ANKRD18B: variants seen among roughly 807,000 people sequenced by gnomAD.
ANKRD18B encodes the protein ankyrin repeat domain-containing protein 18B.
Under a neutral mutation model 111.8 loss-of-function variants are expected in ANKRD18B, and 75 were observed. The ratio of observed to expected loss-of-function variants is 0.67; its 90% CI spans 0.56 to 0.81. The LOEUF (loss-of-function observed/expected upper bound fraction) is 0.81, where lower values mean the gene tolerates loss of function less well. Ranked by LOEUF, ANKRD18B falls within the 40% of genes least tolerant of loss-of-function variation. The pLI, the probability that ANKRD18B is intolerant of heterozygous loss-of-function variation, is 0.00. For missense variants in ANKRD18B, 1,038 were observed against 1,225.5 expected, an observed-to-expected ratio of 0.85 and a Z score of 2.28; for synonymous variants, 356 against 417.3, an observed-to-expected ratio of 0.85 and a Z score of 1.79.
chr9:33,534,531 G>A (rs1390005930), intron 5 of ANKRD18B, 24 bp downstream of exon 5: 15 of 1,496,208 alleles, frequency 1.0e-5, no homozygotes, highest in Admixed American at 7.8e-5. Context: ...TTAAAAGACC[G>A]GTTAATACTA....
At position 33,547,944 on chromosome 9, in the gene ANKRD18B, CAA is replaced by C; in HGVS notation, c.1158_1159del (p.Ser387LeufsTer7). ...TTTGTTTTGTTTTATTTAGGATTCT[CAA>C]AGTTATGGAAAAAAGAAGGATGAGA... ...RSENKQPQDS[Q>X]SYGKKKDEMF... On this transcript the variant is annotated frameshift_variant, in exon 11 of 19. Coordinates refer to ENST00000684830, the MANE Select transcript of ANKRD18B (RefSeq NM_001393611.1). LOFTEE classifies it high-confidence loss of function. 7.0e-7 allele frequency: 1 copy of C among 1,422,662 alleles called. No individual in the cohort carries two copies. The allele number at this position is 1,422,662 out of a possible 1,614,324, so 88.1% of individuals were successfully genotyped here.
chr9:33,550,109 T>C (rs1828426029), intron 11 of ANKRD18B, among the ~76,000 whole-genome samples: 1 of 152,170 alleles, frequency 6.6e-6, no homozygotes, highest in Admixed American at 6.6e-5. Flanking sequence ...ATTTTACTTT[T>C]ATTCTGAGGT....
intron 13 of ANKRD18B, among the ~76,000 whole-genome samples, chr9:33,557,784 A>T (rs866839805): frequency 1.5e-4 from 23 of 152,030 alleles, no homozygotes; most frequent in African/African-American, 4.8e-4. Flanking sequence ...GTGAAGTTCC[A>T]TCTCAAAAAA....
At chr9:33,533,613 C>T (rs1420438538) in intron 4 of ANKRD18B, 68 bp downstream of exon 4, 135 of 1,466,034 alleles carry the variant, frequency 9.2e-5, no homozygotes, top group Middle Eastern at 1.8e-4. Context: ...TGGTAACAGT[C>T]GCTCAAGTCA....
At chr9:33,531,716 A>G (rs1563899197) in intron 3 of ANKRD18B, among the ~76,000 whole-genome samples, 2 of 151,224 alleles carry the variant, frequency 1.3e-5, no homozygotes, top group Non-Finnish European at 2.9e-5. Context: ...AAGACAGCAT[A>G]TATTGGTTCA....
chr9:33,552,561 T>A (rs527990274), intron 12 of ANKRD18B, among the ~76,000 whole-genome samples: 1 of 152,298 alleles, frequency 6.6e-6, no homozygotes, highest in East Asian at 1.9e-4. Context: ...CAGGAGGTGC[T>A]GTTTCCATTG....
rs755608154 is a variant in ANKRD18B, at chr9:33,529,021, G to T, written c.343G>T (p.Ala115Ser). The T allele has an allele frequency of 3.5e-5, 56 of 1,612,358 alleles. No individual in the cohort carries two copies. The highest frequency in any genetic ancestry group is 4.6e-5 in the Non-Finnish European group (54 of 1,179,874). Residue 115 changes from alanine to serine, a missense_variant, in exon 3 of 19, where the codon GCT becomes TCT. This residue lies in a region of ANKRD18B where 216 missense variants were observed against 205.1 expected (regional missense o/e 1.05). Coordinates refer to ENST00000684830, the MANE Select transcript of ANKRD18B (RefSeq NM_001393611.1). ...LMKAVHCQEE[A>S]CAIILLKRGA... ...ATAGGCTGTACACTGCCAGGAAGAGGCTTGTGCCATTATTCTCCTGAAACG... is the reference window on the plus strand; with the variant it reads ...ATAGGCTGTACACTGCCAGGAAGAGTCTTGTGCCATTATTCTCCTGAAACG...
At chr9:33,559,043 TA>T (rs1225809699) in intron 14 of ANKRD18B, among the ~76,000 whole-genome samples, 1 of 152,180 alleles carries the variant, frequency 6.6e-6, no homozygotes, top group Non-Finnish European at 1.5e-5. Context: ...TGACAATTGA[TA>T]AACAAAATCT....
At chr9:33,526,565 TA>T (rs1016056641) in intron 1 of ANKRD18B, among the ~76,000 whole-genome samples, 15 of 152,182 alleles carry the variant, frequency 9.9e-5, no homozygotes, top group African/African-American at 3.6e-4. Flanking sequence ...AAATTTCTAG[TA>T]AAAATTTATT....
At position 33,528,842 on chromosome 9, in the gene ANKRD18B, G is replaced by T. The variant is rs1828066085; in HGVS notation, c.321+1G>T. On this transcript the variant is annotated splice_donor_variant, in intron 2 of 18. Transcript: ENST00000684830. LOFTEE classifies it high-confidence loss of function. ...ACTAAACAGGACACCTTTAATGAAG[G>T]TATATAGTAGCCAACTCAGCATGAA... 14 of 1,599,842 alleles carry T rather than the reference G, an allele frequency of 8.8e-6. No homozygotes were observed. Among genetic ancestry groups the T allele is most frequent in the Non-Finnish European group, 1.2e-5 (14 of 1,173,150 alleles).
intron 1 of ANKRD18B, among the ~76,000 whole-genome samples, chr9:33,526,300 A>G (rs1828024951): frequency 6.6e-6 from 1 of 152,216 alleles, no homozygotes; most frequent in South Asian, 2.1e-4. Flanking sequence ...TGTTAACAAG[A>G]ACCCATAGAA....
chr9:33,526,195 T>A (rs1276261069), intron 1 of ANKRD18B, among the ~76,000 whole-genome samples: 1 of 152,216 alleles, frequency 6.6e-6, no homozygotes, highest in Admixed American at 6.5e-5. Flanking sequence ...AATTACCACA[T>A]TTTAAAAATG....
chr9:33,566,807 C>G (rs979869836), intron 15 of ANKRD18B, among the ~76,000 whole-genome samples: 8 of 152,064 alleles, frequency 5.3e-5, no homozygotes, highest in African/African-American at 1.7e-4. Context: ...TTGAATTGGT[C>G]TTAAGCTACG....
intron 4 of ANKRD18B, 111 bp downstream of exon 4, chr9:33,533,656 G>A: frequency 7.8e-6 from 11 of 1,406,824 alleles, no homozygotes; most frequent in Non-Finnish European, 5.6e-6. Context: ...TATAATTATT[G>A]GCATATAGTA....
intron 10 of ANKRD18B, among the ~76,000 whole-genome samples, chr9:33,546,497 G>A (rs1008813902): frequency 6.6e-6 from 1 of 152,048 alleles, no homozygotes; most frequent in African/African-American, 2.4e-5. Flanking sequence ...CAAAAATTTA[G>A]CATTTGACTC....
Position 33,567,244 on chromosome 9 carries a change from T to C in ANKRD18B, c.2884T>C (p.Leu962=), listed in dbSNP as rs1828700391. Residue 962 remains leucine (L), a synonymous_variant, in exon 16 of 19, where the codon TTA becomes CTA. Coordinates refer to ENST00000684830, the MANE Select transcript of ANKRD18B (RefSeq NM_001393611.1). The part of the protein sequence containing the change: ...KTAYEDVTTE[L]EEYKEAFAVA... ...AGCTTATGAAGATGTTACAACTGAATTAGAAGAGTATAAGGAAGCCTTTGC... is the reference window on the plus strand; with the variant it reads ...AGCTTATGAAGATGTTACAACTGAACTAGAAGAGTATAAGGAAGCCTTTGC... 1 of 1,549,872 alleles carries C rather than the reference T, an allele frequency of 6.5e-7. No homozygotes were observed. The highest frequency in any genetic ancestry group is 2.0e-5 in the Admixed American group (1 of 50,814).
chr9:33,550,862 A>C (rs1295059919), intron 12 of ANKRD18B, among the ~76,000 whole-genome samples: 1 of 152,158 alleles, frequency 6.6e-6, no homozygotes, highest in Admixed American at 6.6e-5. Flanking sequence ...TTTCCTGTTA[A>C]ACAGTATTTT....
rs774619870 is a variant in ANKRD18B at position 33,528,759 on chromosome 9, G to T, written c.239G>T (p.Arg80Leu). 6 of 1,612,992 alleles carry T rather than the reference G, an allele frequency of 3.7e-6. 1 individual carries two copies. In the South Asian group the frequency reaches 6.6e-5, roughly 18 times the overall value. Residue 80 changes from arginine (R) to leucine (L), a missense_variant, in exon 2 of 19, where the codon CGT becomes CTT. By Grantham distance (102) the Arg-to-Leu change is moderately radical. Transcript: ENST00000684830. ...TVLHLACAHGRVQVVTLLLDR... is the reference protein window; with the variant it reads ...TVLHLACAHGLVQVVTLLLDR... ...CTACATTTGGCCTGTGCCCATGGCC[G>T]TGTGCAAGTGGTCACTCTCTTGCTG...
intron 10 of ANKRD18B, among the ~76,000 whole-genome samples, 174 bp downstream of exon 10, chr9:33,543,429 A>G (rs1450597487): frequency 6.6e-6 from 1 of 152,210 alleles, no homozygotes; most frequent in Admixed American, 6.5e-5. Context: ...AAATATTCTT[A>G]TAGTCTATAG....
Sources: gnomAD v4.1 joint callset for allele counts (sites outside exome capture counted in the v4.1 genomes callset) on GRCh38, gnomAD v4.1.1 for gene constraint, gnomAD v4.1.1 regional missense constraint, MANE v1.5 for transcripts, NCBI Gene and HGNC (gene_info 2026-07-23, HGNC 2026-07-21) for gene names.